The following TLE1 variants were observed in gnomAD, a reference collection of about 807,000 sequenced individuals.
TLE1 encodes TLE family member 1, transcriptional corepressor.
In TLE1, 21 loss-of-function variants were observed where a neutral mutation model predicts 89.8. The ratio of observed to expected loss-of-function variants is 0.23; its 90% confidence interval spans 0.17 to 0.34. The LOEUF is 0.34. Ranked by LOEUF, TLE1 falls within the 10% of genes least tolerant of loss-of-function variation. The pLI is 1.00. For synonymous variants in TLE1, 447 were observed against 407.6 expected (o/e 1.10, Z -1.16); for missense variants, 795 against 1,031.2 (o/e 0.77, Z 3.14).
At chr9:81,681,968 G>A (rs932482272) in intron 4 of TLE1, among the ~76,000 whole-genome samples, 3 of 152,116 alleles carry the variant, frequency 2.0e-5, no homozygotes, top group African/African-American at 4.8e-5. Context: ...CAGACAGGCC[G>A]GGTGTGGTAG....
intron 8 of TLE1, among the ~76,000 whole-genome samples, chr9:81,628,382 C>T (rs1174126750): frequency 3.3e-5 from 5 of 152,188 alleles, no homozygotes; most frequent in Non-Finnish European, 5.9e-5. Flanking sequence ...ATTCTACCAC[C>T]CCTGATGCCG....
chr9:81,679,679 A>T (rs1294926703), intron 4 of TLE1, among the ~76,000 whole-genome samples: 1 of 152,162 alleles, frequency 6.6e-6, no homozygotes, highest in African/African-American at 2.4e-5. Flanking sequence ...AAATTTACTT[A>T]AAAACCACTA....
intron 6 of TLE1, among the ~76,000 whole-genome samples, chr9:81,649,423 T>C (rs1482537927): frequency 6.6e-6 from 1 of 152,124 alleles, no homozygotes; most frequent in Non-Finnish European, 1.5e-5. Context: ...ATTTACTTTT[T>C]CCAGGTTTGA....
rs531741739 is a variant in TLE1 at position 81,662,978 on chromosome 9, G to A, written c.235-8942C>T. Among the ~76,000 whole-genome samples, 5 of 152,080 alleles carry A rather than the reference G, an allele frequency of 3.3e-5. 1 individual carries two copies. Among genetic ancestry groups the A allele is most frequent in the Non-Finnish European group, 5.9e-5 (4 of 67,990 alleles). ...TTCTCATGCCTCAGCCTCCCGAGTG[G>A]CTGGGACTACAGGTGTGCACCACCA... On this transcript the variant is annotated intron_variant, in intron 4 of 19. Transcript: ENST00000376499.
intron 4 of TLE1, among the ~76,000 whole-genome samples, chr9:81,662,116 A>G (rs1830871810): frequency 6.6e-6 from 1 of 152,220 alleles, no homozygotes; most frequent in African/African-American, 2.4e-5. Flanking sequence ...AAAGAGAAAA[A>G]AACAGGTAAA....
chr9:81,633,023 A>C (rs1459704980), intron 8 of TLE1, among the ~76,000 whole-genome samples: 1 of 152,230 alleles, frequency 6.6e-6, no homozygotes, highest in Non-Finnish European at 1.5e-5. Context: ...TGCAACCATT[A>C]ACACTTTTAA....
chr9:81,660,341 C>CAA lies in TLE1; in HGVS notation c.235-6307_235-6306dup, dbSNP rs36108203. Among the ~76,000 whole-genome samples the CAA allele has an allele frequency of 4.2e-3, 476 of 114,676 alleles. 3 individuals carry two copies. The highest frequency in any genetic ancestry group is 0.011 in the African/African-American group (322 of 28,606). The allele number at this position is 114,676 out of a possible 152,430, so 75.2% of individuals were successfully genotyped here. A position where few individuals can be genotyped will look rare whatever the true frequency, so the allele number is the denominator to read the frequency against. On this transcript the variant is annotated intron_variant, in intron 4 of 19. Transcript: ENST00000376499. ...AACAGTGCTAGACAAAGGCTGTTCA[C>CAA]AAAAAAAAAAAAACAAAATCATACG...
chr9:81,632,451 A>G (rs977520494), intron 8 of TLE1, among the ~76,000 whole-genome samples: 30 of 150,882 alleles, frequency 2.0e-4, no homozygotes, highest in African/African-American at 6.1e-4. Context: ...CAAAAAAGTT[A>G]TCAGATTTAA....
At chr9:81,684,200 C>T (rs117892550) in intron 4 of TLE1, among the ~76,000 whole-genome samples, 2,278 of 150,408 alleles carry the variant, frequency 0.015, 30 homozygotes, top group Middle Eastern at 0.031. Context: ...TTGCATAATT[C>T]ACTTAAATGA....
intron 4 of TLE1, among the ~76,000 whole-genome samples, chr9:81,656,798 T>C (rs985208163): frequency 2.6e-5 from 4 of 152,250 alleles, no homozygotes; most frequent in African/African-American, 9.6e-5. Context: ...TGAATATTTA[T>C]GTTTCATTTA....
intron 11 of TLE1, among the ~76,000 whole-genome samples, chr9:81,614,560 AC>A (rs1256907658): frequency 6.6e-6 from 1 of 152,134 alleles, no homozygotes; most frequent in South Asian, 2.1e-4. Context: ...GCTCTTTCTG[AC>A]CTTGGATCAT....
intron 4 of TLE1, among the ~76,000 whole-genome samples, chr9:81,674,782 T>G (rs1291180703): frequency 1.9e-4 from 29 of 152,258 alleles, no homozygotes; most frequent in Non-Finnish European, 4.4e-5. Context: ...GTGGATCACC[T>G]AATACAACCA....
At chr9:81,628,458 C>T (rs1429801686) in intron 8 of TLE1, among the ~76,000 whole-genome samples, 2 of 152,054 alleles carry the variant, frequency 1.3e-5, no homozygotes, top group East Asian at 1.9e-4. Context: ...AAAAGACCAA[C>T]AGTATTCTTT....
intron 6 of TLE1, among the ~76,000 whole-genome samples, chr9:81,637,015 A>G (rs1234011478): frequency 6.7e-6 from 1 of 148,830 alleles, no homozygotes; most frequent in Non-Finnish European, 1.5e-5. Context: ...AAAAAAAAAA[A>G]AGAAAAAAGA....
rs760850752 is a variant in TLE1 at position 81,593,288 on chromosome 9, G to A, written c.1332-14C>T. On this transcript the variant is annotated splice_polypyrimidine_tract_variant and intron_variant, in intron 14 of 19. Coordinates refer to ENST00000376499, the MANE Select transcript of TLE1 (RefSeq NM_005077.5). ...AAGGAGTATGCACTTTTGGAAAAAC[G>A]ATTGGAGAGAAGACAGAAAACACAT... 21 of 1,596,396 alleles carry A rather than the reference G, an allele frequency of 1.3e-5. No homozygotes were observed. The highest frequency in any genetic ancestry group is 1.7e-4 in the Middle Eastern group (1 of 6,000).
chr9:81,662,575 G>A (rs1830953426), intron 4 of TLE1, among the ~76,000 whole-genome samples: 1 of 151,798 alleles, frequency 6.6e-6, no homozygotes, highest in African/African-American at 2.4e-5. Context: ...ATGCATGCCT[G>A]TAATCCCAGC....
intron 9 of TLE1, among the ~76,000 whole-genome samples, chr9:81,618,324 A>G (rs557791542): frequency 1.3e-5 from 2 of 152,338 alleles, no homozygotes; most frequent in South Asian, 4.1e-4. Context: ...TATTATCCAC[A>G]TTGGCCTTCT....
At chr9:81,597,832 C>T (rs993386794) in intron 14 of TLE1, among the ~76,000 whole-genome samples, 5 of 152,168 alleles carry the variant, frequency 3.3e-5, no homozygotes, top group African/African-American at 7.2e-5. Flanking sequence ...GAGTCCCCAC[C>T]GGGCTCCTTC....
chr9:81,597,748 T>A (rs1573077), intron 14 of TLE1, among the ~76,000 whole-genome samples: 109,784 of 152,102 alleles, frequency 0.72, 40,550 homozygotes, highest in African/African-American at 0.9. Flanking sequence ...ACATGAATGA[T>A]ATAAAAACCC....
Sources: allele counts gnomAD v4.1 joint callset (sites outside exome capture counted in the v4.1 genomes callset), GRCh38; gene constraint gnomAD v4.1.1; transcripts MANE v1.5; gene names NCBI Gene and HGNC (gene_info 2026-07-23, HGNC 2026-07-21).